HTR2C: variants seen among roughly 807,000 people sequenced by gnomAD.
The protein encoded by HTR2C is 5-hydroxytryptamine receptor 2C.
A neutral mutation model predicts 21.0 loss-of-function variants in HTR2C; 5 were observed. That is an observed-to-expected ratio of 0.24 (90% CI 0.12 to 0.50). HTR2C has a LOEUF of 0.50. HTR2C is among the 20% of genes least tolerant of loss of function. The pLI is 0.98. For synonymous variants in HTR2C, 150 were observed against 145.3 expected, an observed-to-expected ratio of 1.03 and a Z score of -0.23; for missense variants, 271 against 371.2, an observed-to-expected ratio of 0.73 and a Z score of 2.22.
At chrX:114,830,854 C>A (rs1161649030) in intron 4 of HTR2C, among the ~76,000 whole-genome samples, 59 of 51,239 alleles carry the variant, frequency 1.2e-3, no homozygotes, top group African/African-American at 3.1e-3. Context: ...CCCTCCCCCC[C>A]ACCCCACAAC....
At chrX:114,593,769 T>A (rs1370729631) in intron 1 of HTR2C, among the ~76,000 whole-genome samples, 1 of 111,890 alleles carries the variant, frequency 8.9e-6, no homozygotes, top group East Asian at 2.8e-4. Flanking sequence ...GGATGGTTAC[T>A]GAGATAATTT....
At chrX:114,827,290 A>G (rs2070686528) in intron 4 of HTR2C, among the ~76,000 whole-genome samples, 1 of 110,930 alleles carries the variant, frequency 9.0e-6, no homozygotes, top group South Asian at 3.7e-4. Flanking sequence ...TATTCAACCT[A>G]TATATACATA....
chrX:114,841,856 A>G (rs189389536), intron 4 of HTR2C, among the ~76,000 whole-genome samples: 1 of 112,756 alleles, frequency 8.9e-6, no homozygotes, highest in Non-Finnish European at 1.9e-5. Context: ...TTCATCTGGT[A>G]ACTGTTAAAA....
At chrX:114,699,001 C>T (rs968465659) in intron 2 of HTR2C, among the ~76,000 whole-genome samples, 2 of 111,158 alleles carry the variant, frequency 1.8e-5, no homozygotes, top group Non-Finnish European at 3.8e-5. Context: ...ATCTGTGTTG[C>T]CTGAAATTAA....
rs1407743099 is a variant in HTR2C at position 114,906,525 on chromosome X, G to A, written c.551-64G>A. The A allele has an allele frequency of 1.5e-5, 12 of 806,203 alleles. No individual in the cohort carries two copies. The East Asian group carries it at 1.9e-4, about 13-fold the overall frequency. 66.4% of individuals were successfully genotyped at this position (806,203 alleles called of 1,213,427 possible). A position where few individuals can be genotyped will look rare whatever the true frequency, so the allele number is the denominator to read the frequency against. ...CGTAAAATGCAAATTAATGTATGCC[G>A]TTGAATACATCTGTTCAGTCCTTCA... On this transcript the variant is annotated intron_variant, in intron 5 of 5. Transcript: ENST00000276198.
At chrX:114,620,087 T>G (rs1256225858) in intron 2 of HTR2C, among the ~76,000 whole-genome samples, 1 of 111,894 alleles carries the variant, frequency 8.9e-6, no homozygotes, top group Non-Finnish European at 1.9e-5. Context: ...GTGGCAGCTG[T>G]AAATATTGCA....
chrX:114,590,686 G>A (rs1360508436), intron 1 of HTR2C, among the ~76,000 whole-genome samples: 1 of 111,938 alleles, frequency 8.9e-6, no homozygotes, highest in East Asian at 2.8e-4. Flanking sequence ...ATGATTTCAG[G>A]TAATTTCTCT....
At chrX:114,601,293 GA>G (rs2147793901) in intron 1 of HTR2C, among the ~76,000 whole-genome samples, 1 of 111,165 alleles carries the variant, frequency 9.0e-6, no homozygotes, top group African/African-American at 3.3e-5. Flanking sequence ...CCTGTGAAGA[GA>G]CCACCAAACA....
chrX:114,825,417 G>T (rs1162951875), intron 4 of HTR2C, among the ~76,000 whole-genome samples: 4 of 111,677 alleles, frequency 3.6e-5, no homozygotes, highest in Non-Finnish European at 7.5e-5. Flanking sequence ...GCAAATATTT[G>T]AACATTTTCA....
At chrX:114,650,720 A>T (rs1291867784) in intron 2 of HTR2C, among the ~76,000 whole-genome samples, 2 of 111,523 alleles carry the variant, frequency 1.8e-5, no homozygotes, top group African/African-American at 6.5e-5. Flanking sequence ...CCATATTGTA[A>T]ACTCCCTTGT....
intron 5 of HTR2C, among the ~76,000 whole-genome samples, chrX:114,852,713 G>A (rs782072679): frequency 9.1e-6 from 1 of 110,274 alleles, no homozygotes; most frequent in East Asian, 2.9e-4. Flanking sequence ...GTATAATCAG[G>A]TAAGTTGTTT....
At chrX:114,625,947 T>C (rs1437419296) in intron 2 of HTR2C, among the ~76,000 whole-genome samples, 2 of 111,323 alleles carry the variant, frequency 1.8e-5, no homozygotes, top group African/African-American at 6.5e-5. Context: ...TTAAATGTTA[T>C]GATATCATGA....
intron 2 of HTR2C, among the ~76,000 whole-genome samples, chrX:114,634,622 C>T (rs1929769269): frequency 9.0e-6 from 1 of 110,672 alleles, no homozygotes; most frequent in Non-Finnish European, 1.9e-5. Flanking sequence ...CCAGCCTGGG[C>T]AATATGGCAA....
chrX:114,799,072 G>T (rs1556446116), intron 4 of HTR2C, among the ~76,000 whole-genome samples: 2 of 109,606 alleles, frequency 1.8e-5, no homozygotes, highest in African/African-American at 6.6e-5. Flanking sequence ...ATGCAGAGTA[G>T]TCTAGATCAA....
chrX:114,723,657 C>T lies in HTR2C; in HGVS notation c.-79-3201C>T, dbSNP rs188079868. Among the ~76,000 whole-genome samples the T allele has an allele frequency of 6.4e-5, 7 of 110,092 alleles. No homozygotes were observed. In the East Asian group the frequency reaches 1.7e-3, roughly 27 times the overall value. On this transcript the variant is annotated intron_variant, in intron 2 of 5. Coordinates refer to ENST00000276198, the MANE Select transcript of HTR2C (RefSeq NM_000868.4). ...TGCTTTCTCTTGTGGGCACTTAGTG[C>T]TATAAATTTCCCTCTACACACTGCT...
chrX:114,808,026 T>C (rs1556451389), intron 4 of HTR2C, among the ~76,000 whole-genome samples: 1 of 111,001 alleles, frequency 9.0e-6, no homozygotes, highest in Non-Finnish European at 1.9e-5. Context: ...ATAGTCACCC[T>C]GTTGTGCTGT....
intron 2 of HTR2C, among the ~76,000 whole-genome samples, chrX:114,719,319 G>C (rs1260443360): frequency 9.1e-6 from 1 of 110,220 alleles, no homozygotes; most frequent in African/African-American, 3.3e-5. Flanking sequence ...GAGTTGTTTC[G>C]CTATGTTTTT....
chrX:114,604,569 C>T (rs955993301), intron 1 of HTR2C, among the ~76,000 whole-genome samples: 19 of 110,730 alleles, frequency 1.7e-4, no homozygotes, highest in Non-Finnish European at 2.8e-4. Context: ...AGTCTTCAGC[C>T]GCTAATCCGA....
chrX:114,717,629 G>C (rs1933031017), intron 2 of HTR2C: 1 of 111,790 alleles, frequency 8.9e-6, no homozygotes, highest in Non-Finnish European at 1.9e-5. Context: ...AGCAGAAAAC[G>C]TGATTGAAAC....
Sources: gnomAD v4.1 joint callset for allele counts (sites outside exome capture counted in the v4.1 genomes callset) on GRCh38, gnomAD v4.1.1 for gene constraint, MANE v1.5 for transcripts, NCBI Gene and HGNC (gene_info 2026-07-23, HGNC 2026-07-21) for gene names.